Variants in RERE observed in about 807,000 individuals in gnomAD.
The protein encoded by RERE is arginine-glutamic acid dipeptide repeats protein.
A neutral mutation model predicts 146.1 loss-of-function variants in RERE; 40 were observed. That is an observed-to-expected ratio of 0.27 (90% confidence interval 0.21 to 0.36). RERE has a LOEUF of 0.36. Among genes scored for constraint, RERE ranks in the 10% least tolerant of loss-of-function variants. The pLI, the probability that RERE is intolerant of heterozygous loss-of-function variation, is 1.00. For synonymous variants in RERE, 1,003 were observed against 866.0 expected, an observed-to-expected ratio of 1.16 and a Z score of -2.78; for missense variants, 1,933 against 2,138.7, an observed-to-expected ratio of 0.90 and a Z score of 1.90.
intron 1 of RERE, among the ~76,000 whole-genome samples, chr1:8,675,244 G>A (rs1638807608): frequency 6.6e-6 from 1 of 152,000 alleles, no homozygotes; most frequent in Admixed American, 6.6e-5. Flanking sequence ...AGCTGGTTAT[G>A]ATATGTGCTG....
At chr1:8,765,693 C>T (rs1640832846) in intron 1 of RERE, among the ~76,000 whole-genome samples, 1 of 152,278 alleles carries the variant, frequency 6.6e-6, no homozygotes, top group East Asian at 1.9e-4. Flanking sequence ...GTAGCTCATA[C>T]CTGTAATCTC....
chr1:8,719,305 C>T (rs988519214), intron 1 of RERE, among the ~76,000 whole-genome samples: 1 of 152,130 alleles, frequency 6.6e-6, no homozygotes, highest in African/African-American at 2.4e-5. Flanking sequence ...AGCAGCTGGG[C>T]AATGTCAAAA....
chr1:8,457,609 A>T (rs1239381349), intron 11 of RERE, among the ~76,000 whole-genome samples: 1 of 151,800 alleles, frequency 6.6e-6, no homozygotes, highest in Non-Finnish European at 1.5e-5. Flanking sequence ...ATATTTATTT[A>T]TTTATTTTTT....
At chr1:8,686,728 C>T (rs972974190) in intron 1 of RERE, among the ~76,000 whole-genome samples, 3 of 151,384 alleles carry the variant, frequency 2.0e-5, no homozygotes, top group Non-Finnish European at 4.4e-5. Flanking sequence ...GCAGCCTAGG[C>T]GACAAGAGCG....
chr1:8,764,759 G>A (rs765823563), intron 1 of RERE, among the ~76,000 whole-genome samples: 5 of 152,098 alleles, frequency 3.3e-5, no homozygotes, highest in Middle Eastern at 3.2e-3. Context: ...CAAGACAGAG[G>A]CTCAACCTCA....
chr1:8,800,186 T>C (rs1170147390), intron 1 of RERE, among the ~76,000 whole-genome samples: 1 of 151,202 alleles, frequency 6.6e-6, no homozygotes, highest in Non-Finnish European at 1.5e-5. Flanking sequence ...AGCCAAAAGA[T>C]TGGACACCCC....
chr1:8,785,083 C>A (rs918556352), intron 1 of RERE, among the ~76,000 whole-genome samples: 12 of 152,138 alleles, frequency 7.9e-5, no homozygotes, highest in African/African-American at 1.2e-4. Context: ...CAAATCATAA[C>A]CTGTCTAGCA....
At chr1:8,422,275 G>A (rs965036571) in intron 12 of RERE, among the ~76,000 whole-genome samples, 1 of 152,150 alleles carries the variant, frequency 6.6e-6, no homozygotes, top group Non-Finnish European at 1.5e-5. Flanking sequence ...TCAAAACAGA[G>A]CAACATTGAA....
intron 1 of RERE, among the ~76,000 whole-genome samples, chr1:8,783,845 G>A (rs1177245359): frequency 1.3e-5 from 2 of 152,078 alleles, no homozygotes; most frequent in African/African-American, 2.4e-5. Context: ...TAGACTGAAT[G>A]GGTGGTCCCC....
At chr1:8,429,800 T>C (rs1010795787) in intron 11 of RERE, 2 of 152,744 alleles carry the variant, frequency 1.3e-5, no homozygotes, top group Non-Finnish European at 2.9e-5. Context: ...GCACAAAATT[T>C]TATGTTAATA....
chr1:8,665,453 T>C (rs957721503), intron 1 of RERE, among the ~76,000 whole-genome samples: 39 of 152,182 alleles, frequency 2.6e-4, no homozygotes, highest in African/African-American at 9.2e-4. Context: ...CACACATACG[T>C]TGGATCAGTA....
Position 8,358,827 on chromosome 1 carries a change from T to A in RERE, c.3708A>T (p.Pro1236=). 1.2e-6 allele frequency: 2 copies of A among 1,610,484 alleles called. No individual in the cohort carries two copies. The highest frequency in any genetic ancestry group is 2.2e-5 in the South Asian group (2 of 90,644). ...GHMRPSFEPP[P]TTIAAVPPYI... ...AGGGGGGCACAGCAGCAATGGTGGT[T>A]GGTGGTGGCTCGAAGGATGGCCGCA... Residue 1236 remains proline, a synonymous_variant, in exon 20 of 23, where the codon CCA becomes CCT. Transcript: ENST00000400908.
chr1:8,711,592 A>G (rs1468030477), intron 1 of RERE, among the ~76,000 whole-genome samples: 1 of 152,244 alleles, frequency 6.6e-6, no homozygotes, highest in African/African-American at 2.4e-5. Context: ...TCGTTTGGAA[A>G]AGGGTTTTAC....
chr1:8,799,018 C>T (rs1043741048), intron 1 of RERE, among the ~76,000 whole-genome samples: 8 of 146,254 alleles, frequency 5.5e-5, no homozygotes, highest in Admixed American at 2.8e-4. Flanking sequence ...TGTTTTGAGA[C>T]GGAGTTTAAC....
chr1:8,615,534 T>A (rs1646843126), intron 3 of RERE, among the ~76,000 whole-genome samples: 1 of 152,236 alleles, frequency 6.6e-6, no homozygotes. Flanking sequence ...ATAACATTTT[T>A]AAACCAATTT....
chr1:8,396,903 T>C (rs1201662870), intron 12 of RERE, among the ~76,000 whole-genome samples: 1 of 152,190 alleles, frequency 6.6e-6, no homozygotes, highest in African/African-American at 2.4e-5. Context: ...ACAGCATCTT[T>C]GCATTTTAAA....
chr1:8,453,326 C>A (rs1644410732), intron 11 of RERE, among the ~76,000 whole-genome samples: 1 of 152,172 alleles, frequency 6.6e-6, no homozygotes, highest in Non-Finnish European at 1.5e-5. Flanking sequence ...CCAGAGCCCA[C>A]CCCACTCTTT....
At chr1:8,539,922 C>T (rs1340504556) in intron 7 of RERE, among the ~76,000 whole-genome samples, 1 of 152,078 alleles carries the variant, frequency 6.6e-6, no homozygotes, top group Non-Finnish European at 1.5e-5. Context: ...AACACGTTCC[C>T]TTCTACCCCT....
intron 10 of RERE, among the ~76,000 whole-genome samples, chr1:8,486,187 C>G (rs1644896620): frequency 1.3e-5 from 2 of 149,174 alleles, no homozygotes; most frequent in Non-Finnish European, 2.9e-5. Context: ...GATATGAATA[C>G]TAACGTCAAC....
Sources: gnomAD v4.1 joint callset for allele counts (sites outside exome capture counted in the v4.1 genomes callset) on GRCh38, gnomAD v4.1.1 for gene constraint, MANE v1.5 for transcripts, NCBI Gene and HGNC (gene_info 2026-07-23, HGNC 2026-07-21) for gene names.